The following SENP7 variants were observed in gnomAD, a reference collection of about 807,000 sequenced individuals.
The protein encoded by SENP7 is sentrin-specific protease 7.
In SENP7, 64 loss-of-function variants were observed where a neutral mutation model predicts 141.2. The observed-to-expected ratio is 0.45, with a 90% CI of 0.37 to 0.56. The LOEUF (loss-of-function observed/expected upper bound fraction) is 0.56. SENP7 is among the 20% of genes least tolerant of loss of function. The pLI is 0.00. For missense variants in SENP7, 1,025 were observed against 1,212.2 expected (o/e 0.85, Z 2.29); for synonymous variants, 382 against 426.4 (o/e 0.90, Z 1.28).
chr3:101,450,173 A>G (rs2063071515), intron 4 of SENP7, among the ~76,000 whole-genome samples: 1 of 152,214 alleles, frequency 6.6e-6, no homozygotes, highest in Admixed American at 6.5e-5. Context: ...TATCCTAAAT[A>G]TATATGCACC....
intron 6 of SENP7, among the ~76,000 whole-genome samples, chr3:101,386,164 ATAACACTG>A (rs1559752702): frequency 6.6e-6 from 1 of 152,218 alleles, no homozygotes; most frequent in Non-Finnish European, 1.5e-5. Flanking sequence ...CTCCTAAAAA[ATAACACTG>A]TAATTCAGCA....
At chr3:101,417,856 A>G in intron 4 of SENP7, 66 bp from the exon 5 acceptor site, 1 of 1,248,830 alleles carries the variant, frequency 8.0e-7, no homozygotes, top group East Asian at 2.4e-5. Flanking sequence ...AATTCATCAC[A>G]AACTAATATC....
intron 6 of SENP7, among the ~76,000 whole-genome samples, chr3:101,398,331 G>A (rs9813945): frequency 0.4 from 60,364 of 151,948 alleles, 12,507 homozygotes; most frequent in Admixed American, 0.54. Flanking sequence ...GTGGTGGCAC[G>A]TGCCTGTAGT....
At chr3:101,461,825 T>C (rs1252022007) in intron 3 of SENP7, among the ~76,000 whole-genome samples, 1 of 152,122 alleles carries the variant, frequency 6.6e-6, no homozygotes, top group African/African-American at 2.4e-5. Flanking sequence ...TATTAGACCA[T>C]AAAAAGAACT....
At chr3:101,507,286 T>C (rs1257678583) in intron 1 of SENP7, among the ~76,000 whole-genome samples, 1 of 152,232 alleles carries the variant, frequency 6.6e-6, no homozygotes, top group Non-Finnish European at 1.5e-5. Context: ...TTGGAGCTAC[T>C]CAATCTTATT....
intron 11 of SENP7, among the ~76,000 whole-genome samples, chr3:101,360,111 AT>A (rs1239475110): frequency 1.3e-5 from 2 of 152,308 alleles, no homozygotes; most frequent in Non-Finnish European, 2.9e-5. Flanking sequence ...AATGAATAAA[AT>A]TCCTTAAAGA....
At chr3:101,365,910 C>T (rs759486849) in intron 9 of SENP7, among the ~76,000 whole-genome samples, 1 of 152,126 alleles carries the variant, frequency 6.6e-6, no homozygotes, top group Non-Finnish European at 1.5e-5. Context: ...ATTGTGCCAT[C>T]ACTCTAAATT....
chr3:101,444,519 G>T (rs377557862), intron 4 of SENP7, among the ~76,000 whole-genome samples: 93 of 151,978 alleles, frequency 6.1e-4, no homozygotes, highest in South Asian at 5.0e-3. Context: ...TAGACTGGAT[G>T]AAGAAAATGT....
chr3:101,397,861 T>C (rs1237791795), intron 6 of SENP7, among the ~76,000 whole-genome samples: 1 of 152,158 alleles, frequency 6.6e-6, no homozygotes, highest in Non-Finnish European at 1.5e-5. Flanking sequence ...TTCAGAAGCT[T>C]GTAGCAAATG....
chr3:101,486,776 C>A (rs2064747008), intron 3 of SENP7, among the ~76,000 whole-genome samples: 1 of 152,166 alleles, frequency 6.6e-6, no homozygotes. Flanking sequence ...CATTTCAATA[C>A]TAACATTGAA....
intron 6 of SENP7, among the ~76,000 whole-genome samples, chr3:101,389,356 C>G (rs1247293319): frequency 6.6e-6 from 1 of 152,100 alleles, no homozygotes; most frequent in Non-Finnish European, 1.5e-5. Flanking sequence ...ACATCATGGT[C>G]AAACTACCAA....
At chr3:101,427,426 G>A (rs560129389) in intron 4 of SENP7, among the ~76,000 whole-genome samples, 1 of 150,236 alleles carries the variant, frequency 6.7e-6, no homozygotes, top group South Asian at 2.1e-4. Flanking sequence ...GGAGGTGGCG[G>A]TTGCAGTGAG....
At chr3:101,382,722 C>T (rs894658434) in intron 6 of SENP7, among the ~76,000 whole-genome samples, 3 of 152,156 alleles carry the variant, frequency 2.0e-5, no homozygotes, top group Non-Finnish European at 1.5e-5. Context: ...GAATTGATAG[C>T]TCATCTAAAG....
At chr3:101,364,154 G>C (rs1187634963) in intron 10 of SENP7, among the ~76,000 whole-genome samples, 1 of 152,102 alleles carries the variant, frequency 6.6e-6, no homozygotes, top group African/African-American at 2.4e-5. Context: ...TTGAGCCCAA[G>C]AGGTTGAGGC....
In SENP7 at chr3:101,405,874, A is replaced by C. The variant is rs561545153; in HGVS notation, c.483-6819T>G. ...GTCTTCAAATTAACCCAATCCAACA[A>C]AGACAAAGAAAAAAGAATAAGAAAA... On this transcript the variant is annotated intron_variant, in intron 5 of 23. Transcript: ENST00000394095. Among the ~76,000 whole-genome samples, 151 of 152,272 alleles carry C rather than the reference A, an allele frequency of 9.9e-4. 1 individual carries two copies. The highest frequency in any genetic ancestry group is 3.3e-3 in the African/African-American group (137 of 41,576).
chr3:101,441,785 C>T (rs1047161941), intron 4 of SENP7, among the ~76,000 whole-genome samples: 2 of 152,196 alleles, frequency 1.3e-5, no homozygotes, highest in African/African-American at 4.8e-5. Context: ...ACATGCCACC[C>T]AGGGGTCCAA....
intron 3 of SENP7, among the ~76,000 whole-genome samples, chr3:101,463,377 A>ATG (rs1195386807): frequency 2.3e-4 from 20 of 87,402 alleles, no homozygotes; most frequent in Middle Eastern, 5.7e-3. Flanking sequence ...ATATATATAT[A>ATG]TATATATATA....
At chr3:101,352,530 C>A (rs1315847878) in intron 11 of SENP7, among the ~76,000 whole-genome samples, 4 of 152,010 alleles carry the variant, frequency 2.6e-5, no homozygotes, top group African/African-American at 7.2e-5. Context: ...ATATATCTGA[C>A]TTCCTTAAGA....
At position 101,398,845 on chromosome 3, in the gene SENP7, T is replaced by C. The variant is rs1245988628; in HGVS notation, c.677+16A>G. The C allele has an allele frequency of 6.7e-6, 10 of 1,489,654 alleles. 1 individual carries two copies. In the South Asian group the frequency reaches 1.0e-4, roughly 16 times the overall value. The allele number at this position is 1,489,654 out of a possible 1,614,324, so 92.3% of individuals were successfully genotyped here. A position where few individuals can be genotyped will look rare whatever the true frequency, so the allele number is the denominator to read the frequency against. On this transcript the variant is annotated intron_variant, in intron 6 of 23. Coordinates refer to ENST00000394095, the MANE Select transcript of SENP7 (RefSeq NM_020654.5). ...ATAAATATAATTATTTTGAGTAAAGTTATCACTAAACATACCTTTCAGATA... is the reference window on the plus strand; with the variant it reads ...ATAAATATAATTATTTTGAGTAAAGCTATCACTAAACATACCTTTCAGATA...
Sources: gnomAD v4.1 joint callset for allele counts (sites outside exome capture counted in the v4.1 genomes callset) on GRCh38, gnomAD v4.1.1 for gene constraint, MANE v1.5 for transcripts, NCBI Gene and HGNC (gene_info 2026-07-23, HGNC 2026-07-21) for gene names.